ROBO2: variants seen among roughly 807,000 people sequenced by gnomAD.
ROBO2 encodes the protein roundabout guidance receptor 2.
Under a neutral mutation model 160.8 loss-of-function variants are expected in ROBO2, and 53 were observed. The ratio of observed to expected loss-of-function variants is 0.33; its 90% confidence interval spans 0.26 to 0.41. ROBO2 has a LOEUF of 0.41. Ranked by LOEUF, ROBO2 falls within the 10% of genes least tolerant of loss-of-function variation. ROBO2 has a pLI of 1.00. For missense variants in ROBO2, 1,577 were observed against 1,722.4 expected (o/e 0.92, Z 1.49); for synonymous variants, 664 against 611.7 (o/e 1.09, Z -1.26).
intron 2 of ROBO2, among the ~76,000 whole-genome samples, chr3:77,253,417 T>C (rs920896446): frequency 1.3e-5 from 2 of 152,210 alleles, no homozygotes; most frequent in Non-Finnish European, 2.9e-5. Context: ...TAAAGACCTA[T>C]GTGACATAAC....
At chr3:76,009,149 C>T (rs570595758) in intron 2 of ROBO2, among the ~76,000 whole-genome samples, 2 of 152,168 alleles carry the variant, frequency 1.3e-5, no homozygotes, top group Admixed American at 6.5e-5. Context: ...GTCGCCCAGG[C>T]TGGAGTGCAG....
At chr3:77,184,580 G>C (rs2081107173) in intron 2 of ROBO2, among the ~76,000 whole-genome samples, 1 of 151,984 alleles carries the variant, frequency 6.6e-6, no homozygotes, top group Non-Finnish European at 1.5e-5. Context: ...TGGGGTTTGG[G>C]TTTGCACATC....
intron 2 of ROBO2, among the ~76,000 whole-genome samples, chr3:77,192,766 C>A (rs2150954839): frequency 6.6e-6 from 1 of 150,856 alleles, no homozygotes; most frequent in South Asian, 2.1e-4. Context: ...GTGCCTCAGC[C>A]CCCCAAGTAG....
At chr3:76,045,043 T>C (rs1253580613) in intron 2 of ROBO2, among the ~76,000 whole-genome samples, 1 of 151,994 alleles carries the variant, frequency 6.6e-6, no homozygotes, top group Non-Finnish European at 1.5e-5. Flanking sequence ...ACACATAAGG[T>C]CTTTAAATGT....
At chr3:77,608,626 A>T (rs1412889560) in intron 21 of ROBO2, among the ~76,000 whole-genome samples, 1 of 152,174 alleles carries the variant, frequency 6.6e-6, no homozygotes, top group African/African-American at 2.4e-5. Context: ...ATACAAAGAC[A>T]CTGATATTTT....
intron 2 of ROBO2, among the ~76,000 whole-genome samples, chr3:76,912,466 T>A (rs2148938391): frequency 6.6e-6 from 1 of 152,348 alleles, no homozygotes; most frequent in Non-Finnish European, 1.5e-5. Flanking sequence ...GAACATAAGT[T>A]GTTTAAAAGG....
intron 2 of ROBO2, among the ~76,000 whole-genome samples, chr3:76,826,991 T>G (rs2066644535): frequency 6.6e-6 from 1 of 152,166 alleles, no homozygotes; most frequent in Admixed American, 6.6e-5. Context: ...GATGTTTGTG[T>G]GTTGGGACCT....
At chr3:76,661,222 C>T (rs2091804112) in intron 2 of ROBO2, among the ~76,000 whole-genome samples, 1 of 152,144 alleles carries the variant, frequency 6.6e-6, no homozygotes, top group South Asian at 2.1e-4. Context: ...CTGGAAGTTC[C>T]TGGCTCTATG....
rs143350425 is a variant in ROBO2 at position 77,377,630 on chromosome 3, G to A, written c.389-99784G>A. The stretch of plus-strand genomic sequence containing the variant: ...ATAATGTCCCCAAGACCATATGAAA[G>A]ATATGAGACCTCGATCCTTGGCAGG... On this transcript the variant is annotated intron_variant, in intron 2 of 25. Coordinates refer to ENST00000461745, the Ensembl canonical transcript of ROBO2. Among the ~76,000 whole-genome samples the A allele has an allele frequency of 3.1e-4, 47 of 152,254 alleles. No homozygotes were observed. The East Asian group carries it at 6.6e-3, about 21-fold the overall frequency.
At chr3:75,909,896 C>T (rs1263855312) in intron 1 of ROBO2, among the ~76,000 whole-genome samples, 4 of 152,190 alleles carry the variant, frequency 2.6e-5, no homozygotes, top group African/African-American at 9.6e-5. Flanking sequence ...TATTATTCTA[C>T]AGACATTCCT....
intron 2 of ROBO2, among the ~76,000 whole-genome samples, chr3:77,466,821 C>G (rs1450417498): frequency 6.6e-6 from 1 of 152,090 alleles, no homozygotes; most frequent in Non-Finnish European, 1.5e-5. Flanking sequence ...TGTAGGGTGC[C>G]CTAATGTGTA....
chr3:76,725,913 A>G (rs866066702), intron 2 of ROBO2, among the ~76,000 whole-genome samples: 41 of 152,294 alleles, frequency 2.7e-4, no homozygotes, highest in Middle Eastern at 3.4e-3. Flanking sequence ...TTAATGTCTA[A>G]CATCCTTTAA....
chr3:77,584,796 A>G (rs1040401635), intron 16 of ROBO2, among the ~76,000 whole-genome samples: 2 of 151,866 alleles, frequency 1.3e-5, no homozygotes, highest in African/African-American at 4.8e-5. Flanking sequence ...AAATACAGGT[A>G]TACCAAAAAG....
At chr3:76,675,313 C>A (rs1239235175) in intron 2 of ROBO2, among the ~76,000 whole-genome samples, 1 of 152,110 alleles carries the variant, frequency 6.6e-6, no homozygotes, top group South Asian at 2.1e-4. Flanking sequence ...TATATCCTTG[C>A]CACATTCCCA....
At chr3:77,103,210 G>T (rs2150117239) in intron 2 of ROBO2, among the ~76,000 whole-genome samples, 1 of 152,222 alleles carries the variant, frequency 6.6e-6, no homozygotes, top group African/African-American at 2.4e-5. Context: ...ACAGCAGCTT[G>T]ATCTATCGAC....
At chr3:77,259,667 A>AC (rs2058655662) in intron 2 of ROBO2, among the ~76,000 whole-genome samples, 1 of 152,202 alleles carries the variant, frequency 6.6e-6, no homozygotes, top group African/African-American at 2.4e-5. Flanking sequence ...CTGAAAGTTT[A>AC]CCTTAGCATT....
At chr3:75,986,031 T>C (rs1486857759) in intron 2 of ROBO2, among the ~76,000 whole-genome samples, 6 of 151,634 alleles carry the variant, frequency 4.0e-5, no homozygotes, top group Admixed American at 3.3e-4. Context: ...TTCAAGACCT[T>C]GCTTTAAATT....
intron 2 of ROBO2, among the ~76,000 whole-genome samples, chr3:77,383,893 C>T (rs936931831): frequency 6.6e-5 from 10 of 152,122 alleles, no homozygotes; most frequent in Admixed American, 3.3e-4. Flanking sequence ...CTCAAATAAA[C>T]GGCTTCAAAA....
intron 2 of ROBO2, among the ~76,000 whole-genome samples, chr3:76,135,661 C>T (rs540179622): frequency 6.6e-6 from 1 of 152,158 alleles, no homozygotes; most frequent in South Asian, 2.1e-4. Flanking sequence ...GGTCTGTGAT[C>T]CAAAATATTT....
Sources: allele counts gnomAD v4.1 joint callset (sites outside exome capture counted in the v4.1 genomes callset), GRCh38; gene constraint gnomAD v4.1.1; transcripts MANE v1.5; gene names NCBI Gene and HGNC (gene_info 2026-07-23, HGNC 2026-07-21).